Variants in ARHGAP32 observed in about 807,000 individuals in gnomAD.
ARHGAP32 encodes Rho GTPase activating protein 32, also known as rho GTPase-activating protein 32.
ARHGAP32 carries 51 observed loss-of-function variants against 186.5 expected under a neutral mutation model. The ratio of observed to expected loss-of-function variants is 0.27; its 90% CI spans 0.22 to 0.35. The LOEUF is 0.35. Among genes scored for constraint, ARHGAP32 ranks in the 10% least tolerant of loss-of-function variants. The probability of loss-of-function intolerance (pLI) is 1.00; values close to 1 mark genes in which losing one functional copy is unlikely to be tolerated. For synonymous variants in ARHGAP32, 950 were observed against 964.3 expected, an observed-to-expected ratio of 0.99 and a Z score of 0.27; for missense variants, 2,186 against 2,623.5, an observed-to-expected ratio of 0.83 and a Z score of 3.64.
chr11:129,007,896 C>T (rs181762443), intron 11 of ARHGAP32, among the ~76,000 whole-genome samples: 1 of 152,314 alleles, frequency 6.6e-6, no homozygotes, highest in East Asian at 1.9e-4. Context: ...TAAGTTCTGA[C>T]GGCTGGGACA....
chr11:129,057,937 C>A (rs528329954), intron 10 of ARHGAP32, among the ~76,000 whole-genome samples: 38 of 152,134 alleles, frequency 2.5e-4, no homozygotes, highest in African/African-American at 9.2e-4. Flanking sequence ...CATCTGTGAG[C>A]CAAGGAGAGA....
chr11:128,985,140 C>T (rs1352190835), intron 15 of ARHGAP32, among the ~76,000 whole-genome samples: 1 of 151,998 alleles, frequency 6.6e-6, no homozygotes, highest in African/African-American at 2.4e-5. Context: ...CTGCCTCAGC[C>T]CCCGAGTAGC....
At chr11:129,202,966 G>C (rs544685007) in intron 1 of ARHGAP32, 1 of 152,326 alleles carries the variant, frequency 6.6e-6, no homozygotes, top group African/African-American at 2.4e-5. Context: ...AATCAAAGCA[G>C]TGCTTGCTTC....
intron 2 of ARHGAP32, among the ~76,000 whole-genome samples, chr11:129,135,194 A>G (rs148955886): frequency 6.6e-6 from 1 of 152,368 alleles, no homozygotes; most frequent in East Asian, 1.9e-4. Flanking sequence ...AAAAATGTAT[A>G]TAGAAATGCA....
chr11:128,974,144 G>C lies in ARHGAP32; in HGVS notation c.3053C>G (p.Ala1018Gly). Reference protein sequence around the residue: ...SVSSSQSKAVASGQTQTGAVT... With the variant: ...SVSSSQSKAVGSGQTQTGAVT... ...GGTACCTGTCTGAGTCTGTCCAGAA[G>C]CTACAGCCTTACTCTGACTGCTTGA... Residue 1018 changes from alanine (A) to glycine (G), a missense_variant, in exon 21 of 23, where the codon GCT (alanine) becomes GGT (glycine). By Grantham distance (60) the Ala-to-Gly change is moderately conservative (BLOSUM62 0). This residue lies in a region of ARHGAP32 where 1,502 missense variants were observed against 1,570.0 expected (regional missense o/e 0.96). Coordinates refer to ENST00000682385, the MANE Select transcript of ARHGAP32 (RefSeq NM_001378024.1). 6.2e-7 allele frequency: 1 copy of C among 1,614,174 alleles called. No individual in the cohort carries two copies. Among genetic ancestry groups the C allele is most frequent in the Non-Finnish European group, 8.5e-7 (1 of 1,180,028 alleles).
intron 1 of ARHGAP32, among the ~76,000 whole-genome samples, chr11:129,171,755 T>A (rs763584321): frequency 1.2e-4 from 19 of 152,224 alleles, no homozygotes; most frequent in Non-Finnish European, 2.4e-4. Flanking sequence ...ATAAATTACT[T>A]CAGGCAGTAT....
At chr11:129,080,694 C>T (rs918396769) in intron 6 of ARHGAP32, among the ~76,000 whole-genome samples, 1 of 151,622 alleles carries the variant, frequency 6.6e-6, no homozygotes, top group Non-Finnish European at 1.5e-5. Context: ...CTTCAAGGAA[C>T]TACAGAAACG....
chr11:129,066,682 A>C, intron 7 of ARHGAP32, 49 bp downstream of exon 7: 1 of 1,532,940 alleles, frequency 6.5e-7, no homozygotes, highest in Non-Finnish European at 8.8e-7. Flanking sequence ...AAACTTCTGC[A>C]AACTCATATA....
rs376422790 is a variant in ARHGAP32 at position 128,970,448 on chromosome 11, G to T, written c.4765C>A (p.Pro1589Thr). 6 of 1,614,066 alleles carry T rather than the reference G, an allele frequency of 3.7e-6. No homozygotes were observed. The African/African-American group carries it at 8.0e-5, about 22-fold the overall frequency. ...ACTCTCCGGATGGTAGGGTACGGTG[G>T]AATGTCTTCGGGGTAACAGGTATTC... ...VRNTCYPEDI[P>T]PYPTIRRVQS... The change falls in exon 23 of 23, where the codon CCA becomes ACA. Residue 1589 changes from proline (P) to threonine (T), a missense_variant. Coordinates refer to ENST00000682385, the MANE Select transcript of ARHGAP32 (RefSeq NM_001378024.1). The surrounding 1 kb of genome is among the most constrained non-coding windows in gnomAD (Gnocchi z 5.8).
chr11:129,238,598 T>C (rs182869775), intron 1 of ARHGAP32, among the ~76,000 whole-genome samples: 1 of 152,120 alleles, frequency 6.6e-6, no homozygotes, highest in African/African-American at 2.4e-5. Context: ...CAACTGCAAA[T>C]TGGGTGTGGT....
At chr11:129,042,902 C>T (rs531737488) in intron 10 of ARHGAP32, among the ~76,000 whole-genome samples, 1 of 152,074 alleles carries the variant, frequency 6.6e-6, no homozygotes, top group African/African-American at 2.4e-5. Context: ...CTGCTCATGC[C>T]GAGGAGATGG....
In ARHGAP32 at chr11:129,123,574, A is replaced by C. The variant is rs2135381674; in HGVS notation, c.360-44T>G. On this transcript the variant is annotated intron_variant, in intron 4 of 22. Coordinates refer to ENST00000682385, the MANE Select transcript of ARHGAP32 (RefSeq NM_001378024.1). This position sits in a 1 kb window ranked among gnomAD's most constrained non-coding sequence, Gnocchi z 4.6. ...ATAAGAAACGAGATAGTGAAACAGTAAAAATTACTAAGTTTAAGGGAAAAA... is the reference window on the plus strand; with the variant it reads ...ATAAGAAACGAGATAGTGAAACAGTCAAAATTACTAAGTTTAAGGGAAAAA... The C allele has an allele frequency of 1.3e-6, 2 of 1,537,306 alleles. No individual in the cohort carries two copies. Among genetic ancestry groups the C allele is most frequent in the Non-Finnish European group, 1.8e-6 (2 of 1,115,550 alleles).
At chr11:129,159,603 C>G (rs2135475632) in intron 2 of ARHGAP32, among the ~76,000 whole-genome samples, 1 of 151,988 alleles carries the variant, frequency 6.6e-6, no homozygotes, top group East Asian at 1.9e-4. Flanking sequence ...AAAAAAAGCC[C>G]AGGATCAGAC....
chr11:129,269,135 G>T (rs1051571264), intron 1 of ARHGAP32, among the ~76,000 whole-genome samples: 1 of 152,038 alleles, frequency 6.6e-6, no homozygotes, highest in African/African-American at 2.4e-5. Flanking sequence ...AGCCAGACGT[G>T]GTGGTGCACA....
intron 10 of ARHGAP32, 133 bp downstream of exon 10, chr11:129,062,147 T>C (rs1271902257): frequency 1.7e-5 from 12 of 697,018 alleles, no homozygotes; most frequent in Non-Finnish European, 2.8e-5. Flanking sequence ...ATCATTACTA[T>C]CTGCATTTTC....
chr11:129,062,256 C>T (rs1940531346), intron 10 of ARHGAP32, 24 bp downstream of exon 10: 2 of 1,607,638 alleles, frequency 1.2e-6, no homozygotes, highest in African/African-American at 1.3e-5. Context: ...TGAATTTTCC[C>T]ACACCTAATT....
rs754454877 is a variant in ARHGAP32, at chr11:129,164,350, C to T, written c.194G>A (p.Arg65Gln). Residue 65 changes from arginine (R) to glutamine (Q), a missense_variant, in exon 2 of 23, where the codon CGG (arginine) becomes CAG (glutamine). Around this residue, in one of 5 missense-constraint regions of ARHGAP32, gnomAD observed 108 missense variants for 116.8 expected, o/e 0.92. Transcript: ENST00000682385. ...ELHRNVHPRE[R>Q]PDWEETLSAM... ...GCTAAGAGTTTCTTCCCAATCAGGC[C>T]GCTCTCGAGGGTGTACATTTCTATG... 67 of 1,580,318 alleles carry T rather than the reference C, an allele frequency of 4.2e-5. No homozygotes were observed. The highest frequency in any genetic ancestry group is 7.2e-5 in the Admixed American group (4 of 55,768).
At chr11:129,026,361 G>GT (rs1403617895) in intron 11 of ARHGAP32, among the ~76,000 whole-genome samples, 2 of 152,140 alleles carry the variant, frequency 1.3e-5, no homozygotes, top group East Asian at 1.9e-4. Flanking sequence ...GAGGTCACTT[G>GT]TTTTTCTCTC....
intron 2 of ARHGAP32, among the ~76,000 whole-genome samples, chr11:129,128,105 C>T (rs1942704528): frequency 6.6e-6 from 1 of 152,166 alleles, no homozygotes; most frequent in African/African-American, 2.4e-5. Flanking sequence ...ACAACCCTGT[C>T]CCCAAAATCC....
Sources: gnomAD v4.1 joint callset for allele counts (sites outside exome capture counted in the v4.1 genomes callset) on GRCh38, gnomAD v4.1.1 for gene constraint, gnomAD v4.1.1 regional missense constraint, Gnocchi (gnomAD v3.1) non-coding constraint, MANE v1.5 for transcripts, NCBI Gene and HGNC (gene_info 2026-07-23, HGNC 2026-07-21) for gene names.